TRIO: variants seen among roughly 807,000 people sequenced by gnomAD.
TRIO encodes trio Rho guanine nucleotide exchange factor, also known as triple functional domain protein.
In TRIO, 58 loss-of-function variants were observed where a neutral mutation model predicts 351.9. That is an observed-to-expected ratio of 0.16 (90% CI 0.13 to 0.21). The LOEUF (loss-of-function observed/expected upper bound fraction) is 0.21. TRIO is among the 10% of genes least tolerant of loss of function. The pLI is 1.00. For synonymous variants in TRIO, 1,758 were observed against 1,595.7 expected (o/e 1.10, Z -2.42); for missense variants, 3,201 against 4,027.8 (o/e 0.79, Z 5.56).
At chr5:14,454,819 G>C (rs1753137899) in intron 34 of TRIO, among the ~76,000 whole-genome samples, 1 of 152,188 alleles carries the variant, frequency 6.6e-6, no homozygotes, top group Non-Finnish European at 1.5e-5. Context: ...GATCTTCGTG[G>C]TGTTACAGTT....
intron 11 of TRIO, among the ~76,000 whole-genome samples, chr5:14,351,635 T>A (rs1340734747): frequency 6.6e-6 from 1 of 152,242 alleles, no homozygotes. Context: ...ATGCATGTAG[T>A]AAAATGCTTT....
chr5:14,420,216 CAGAA>C, intron 34 of TRIO, 195 bp downstream of exon 34: 1 of 783,880 alleles, frequency 1.3e-6, no homozygotes, highest in Non-Finnish European at 2.0e-6. Context: ...ACCCACGACT[CAGAA>C]ATAATGAGTG....
At chr5:14,202,714 C>T (rs755509104) in intron 1 of TRIO, among the ~76,000 whole-genome samples, 14 of 147,716 alleles carry the variant, frequency 9.5e-5, no homozygotes, top group African/African-American at 2.8e-4. Context: ...TCTCGTCTGC[C>T]GCCAAGACGT....
At chr5:14,419,688 A>G (rs1749952270) in intron 33 of TRIO, 90 bp from the exon 34 acceptor site, 1 of 1,553,822 alleles carries the variant, frequency 6.4e-7, no homozygotes, top group Admixed American at 1.8e-5. Context: ...GCAGGGTGGC[A>G]GGAACCCACC....
intron 1 of TRIO, among the ~76,000 whole-genome samples, chr5:14,232,915 G>T (rs368890579): frequency 1.8e-4 from 28 of 152,302 alleles, no homozygotes; most frequent in Middle Eastern, 3.4e-3. Context: ...TGGAGCTGGG[G>T]GTGCCAGGGC....
At chr5:14,278,470 G>T (rs1377221901) in intron 2 of TRIO, among the ~76,000 whole-genome samples, 1 of 152,098 alleles carries the variant, frequency 6.6e-6, no homozygotes. Flanking sequence ...TCAGAACTGT[G>T]GTCGAGAAAA....
chr5:14,487,154 C>T (rs1755974816), intron 47 of TRIO, among the ~76,000 whole-genome samples: 1 of 152,144 alleles, frequency 6.6e-6, no homozygotes, highest in South Asian at 2.1e-4. Flanking sequence ...TAGGAAAGAC[C>T]TTTGCGGAAG....
chr5:14,465,473 G>A, intron 36 of TRIO, 72 bp from the exon 37 acceptor site: 1 of 1,439,380 alleles, frequency 6.9e-7, no homozygotes, highest in East Asian at 2.3e-5. Flanking sequence ...GCTTGCAGGG[G>A]AATTTACTGT....
chr5:14,154,719 G>A (rs1246554622), intron 1 of TRIO, among the ~76,000 whole-genome samples: 1 of 152,166 alleles, frequency 6.6e-6, no homozygotes, highest in Admixed American at 6.5e-5. Context: ...CTGTTTTTCT[G>A]TGTGACTCCA....
At chr5:14,292,885 A>G (rs1250511286) in intron 5 of TRIO, 127 bp from the exon 6 acceptor site, 1 of 1,339,932 alleles carries the variant, frequency 7.5e-7, no homozygotes, top group African/African-American at 1.5e-5. Context: ...CTTCTGAGAG[A>G]ATCAGACAGC....
At chr5:14,397,015 A>T (rs763208469) in intron 28 of TRIO, 28 bp from the exon 29 acceptor site, 2 of 1,570,788 alleles carry the variant, frequency 1.3e-6, no homozygotes, top group Non-Finnish European at 1.7e-6. Context: ...TGCAGTCTTT[A>T]CCTAGTTTCT....
intron 33 of TRIO, among the ~76,000 whole-genome samples, chr5:14,414,058 C>T (rs993457303): frequency 2.6e-5 from 4 of 152,168 alleles, no homozygotes; most frequent in Non-Finnish European, 5.9e-5. Context: ...GAAATACAGC[C>T]AACAGGTTTC....
chr5:14,449,532 A>G (rs1752685815), intron 34 of TRIO, among the ~76,000 whole-genome samples: 1 of 152,230 alleles, frequency 6.6e-6, no homozygotes, highest in Non-Finnish European at 1.5e-5. Flanking sequence ...GCTGGTCACA[A>G]GGCAGAACAG....
chr5:14,452,378 C>A (rs958013193), intron 34 of TRIO, among the ~76,000 whole-genome samples: 6 of 152,186 alleles, frequency 3.9e-5, no homozygotes, highest in African/African-American at 1.4e-4. Context: ...ATACCTTTTC[C>A]CCCCAGCAGC....
intron 1 of TRIO, among the ~76,000 whole-genome samples, chr5:14,154,017 C>G (rs1334052019): frequency 6.6e-6 from 1 of 152,176 alleles, no homozygotes; most frequent in Non-Finnish European, 1.5e-5. Flanking sequence ...CTAATTAATA[C>G]TGATGTTACC....
At chr5:14,165,877 G>A (rs1788735620) in intron 1 of TRIO, among the ~76,000 whole-genome samples, 1 of 152,258 alleles carries the variant, frequency 6.6e-6, no homozygotes, top group Non-Finnish European at 1.5e-5. Flanking sequence ...TCCTGGGATG[G>A]TAGGTGGCCG....
chr5:14,244,097 A>G (rs1015090808), intron 1 of TRIO, among the ~76,000 whole-genome samples: 2 of 152,210 alleles, frequency 1.3e-5, no homozygotes, highest in Non-Finnish European at 2.9e-5. Flanking sequence ...GTAAAACATC[A>G]TGGAACGTTT....
intron 34 of TRIO, among the ~76,000 whole-genome samples, chr5:14,450,595 A>G (rs984176635): frequency 2.0e-5 from 3 of 152,176 alleles, no homozygotes; most frequent in Non-Finnish European, 2.9e-5. Context: ...TCTGTGTTCA[A>G]TTCATATTTG....
chr5:14,502,669 A>G lies in TRIO; in HGVS notation c.8411+12A>G. 6.2e-7 allele frequency: 1 copy of G among 1,614,030 alleles called. No individual in the cohort carries two copies. The highest frequency in any genetic ancestry group is 8.5e-7 in the Non-Finnish European group (1 of 1,179,934). On this transcript the variant is annotated intron_variant, in intron 54 of 56. Coordinates refer to ENST00000344204, the MANE Select transcript of TRIO (RefSeq NM_007118.4). ...GCTGAGCTTGGCAGGTATGATGCAC[A>G]ACCCAGAACGCCTTCCGAAAGAGCA...
Sources: gnomAD v4.1 joint callset for allele counts (sites outside exome capture counted in the v4.1 genomes callset) on GRCh38, gnomAD v4.1.1 for gene constraint, MANE v1.5 for transcripts, NCBI Gene and HGNC (gene_info 2026-07-23, HGNC 2026-07-21) for gene names.